ITGAX: variants seen among roughly 807,000 people sequenced by gnomAD.
ITGAX encodes integrin subunit alpha X.
ITGAX carries 99 observed loss-of-function variants against 140.2 expected under a neutral mutation model. The ratio of observed to expected loss-of-function variants is 0.71; its 90% CI spans 0.60 to 0.83. The LOEUF (loss-of-function observed/expected upper bound fraction) is 0.83, where lower values mean the gene tolerates loss of function less well. Among genes scored for constraint, ITGAX ranks in the 40% least tolerant of loss-of-function variants. The probability of loss-of-function intolerance (pLI) is 0.00; values close to 1 mark genes in which losing one functional copy is unlikely to be tolerated. For synonymous variants in ITGAX, 631 were observed against 600.4 expected (o/e 1.05, Z -0.75); for missense variants, 1,444 against 1,482.0 (o/e 0.97, Z 0.42).
chr16:31,372,833 G>T (rs1319115264), intron 19 of ITGAX, among the ~76,000 whole-genome samples, 163 bp downstream of exon 19: 1 of 152,096 alleles, frequency 6.6e-6, no homozygotes, highest in Non-Finnish European at 1.5e-5. Flanking sequence ...CACTTTGGGA[G>T]GCCGAGGTGG....
chr16:31,356,873 C>T (rs566306631), intron 3 of ITGAX, 145 bp downstream of exon 3: 2 of 809,220 alleles, frequency 2.5e-6, no homozygotes, highest in African/African-American at 1.7e-5. Flanking sequence ...CCCCTTAAGG[C>T]CTCCCCGCCC....
Position 31,372,580 on chromosome 16 carries a change from G to A in ITGAX, c.2293-17G>A, listed in dbSNP as rs746430229. 59 of 1,613,948 alleles carry A rather than the reference G, an allele frequency of 3.7e-5. No homozygotes were observed. The highest frequency in any genetic ancestry group is 1.6e-4 in the Middle Eastern group (1 of 6,082). On this transcript the variant is annotated splice_polypyrimidine_tract_variant and intron_variant, in intron 18 of 29. Coordinates refer to ENST00000268296, the MANE Select transcript of ITGAX (RefSeq NM_000887.5). ...GCCTGGGTCTCGGAGAAAACCCCCC[G>A]TTGCCTTCCCACGCAGCTACCCTTT...
intron 23 of ITGAX, 148 bp from the exon 24 acceptor site, chr16:31,379,419 TA>T: frequency 1.3e-6 from 1 of 748,316 alleles, no homozygotes; most frequent in Non-Finnish European, 2.2e-6. Flanking sequence ...GCCTGGCCTC[TA>T]AACTCTCTTA....
chr16:31,357,237 C>T lies in ITGAX; in HGVS notation c.319-16C>T, dbSNP rs757328876. ...GGAAGCAGGGGCAGCCCCCCAGCAG[C>T]CCGCTGTGTCCCCAGGCCTGCGGCC... On this transcript the variant is annotated splice_polypyrimidine_tract_variant and intron_variant, in intron 4 of 29. Coordinates refer to ENST00000268296, the MANE Select transcript of ITGAX (RefSeq NM_000887.5). The T allele has an allele frequency of 6.3e-7, 1 of 1,582,428 alleles. No homozygotes were observed. The highest frequency in any genetic ancestry group is 2.3e-5 in the East Asian group (1 of 43,652).
chr16:31,356,942 G>T, intron 3 of ITGAX, 89 bp from the exon 4 acceptor site: 1 of 1,165,570 alleles, frequency 8.6e-7, no homozygotes. Context: ...AGACCTCCTT[G>T]TCTCCCAGGT....
intron 23 of ITGAX, 34 bp downstream of exon 23, chr16:31,377,299 C>A: frequency 2.4e-5 from 34 of 1,416,152 alleles, no homozygotes; most frequent in African/African-American, 3.2e-5. Flanking sequence ...AAAAAGGGTT[C>A]TTCTCTCTGA....
At position 31,357,350 on chromosome 16, in the gene ITGAX, C is replaced by G. The variant is rs770533015; in HGVS notation, c.416C>G (p.Pro139Arg). The change falls in exon 5 of 30, where the codon CCG (proline) becomes CGG (arginine). Residue 139 changes from proline (P) to arginine (R), a missense_variant. Transcript: ENST00000268296. ...LGPTQLTQRL[P>R]VSRQECPRQE... ...CCCACCCAGCTCACCCAGAGGCTCC[C>G]GGTGTCCAGGCAGGGTGAGTGTCGG... 1 of 1,602,332 alleles carries G rather than the reference C, an allele frequency of 6.2e-7. No homozygotes were observed. Among genetic ancestry groups the G allele is most frequent in the African/African-American group, 1.3e-5 (1 of 74,586 alleles).
intron 14 of ITGAX, among the ~76,000 whole-genome samples, chr16:31,370,433 G>A (rs572540878): frequency 3.6e-4 from 55 of 152,220 alleles, no homozygotes; most frequent in African/African-American, 1.3e-3. Flanking sequence ...ACCCCACCGC[G>A]GCTTTTTCTT....
In ITGAX at chr16:31,380,904, C is replaced by T. The variant is rs752430098; in HGVS notation, c.3284C>T (p.Thr1095Met). 1.2e-5 allele frequency: 20 copies of T among 1,613,760 alleles called. No homozygotes were observed. Among genetic ancestry groups the T allele is most frequent in the South Asian group, 5.5e-5 (5 of 91,068 alleles). ...QEAFMRAQTT[T>M]VLEKYKVHNP... ...GGGTCACTTCCACTTCAGACGACAA[C>T]GGTGCTGGAGAAGTACAAGGTCCAC... Residue 1095 changes from threonine to methionine, a missense_variant, in exon 29 of 30, where the codon ACG becomes ATG. Thr to Met is a moderately conservative substitution (Grantham distance 81). Transcript: ENST00000268296.
At position 31,381,862 on chromosome 16, in the gene ITGAX, C is replaced by T. The variant is rs1207201049; in HGVS notation, c.3447C>T (p.Ala1149=). ...TGGAGGAGGCAAATGGACAAATTGC[C>T]CCAGAAAACGGGACACAGACCCCCA... ...EMMEEANGQI[A]PENGTQTPSP... The change falls in exon 30 of 30, where the codon GCC becomes GCT. Residue 1149 remains alanine (A), a synonymous_variant. Coordinates refer to ENST00000268296, the MANE Select transcript of ITGAX (RefSeq NM_000887.5). 3 of 878,786 alleles carry T rather than the reference C, an allele frequency of 3.4e-6. No individual in the cohort carries two copies. The highest frequency in any genetic ancestry group is 5.9e-6 in the Non-Finnish European group (3 of 507,220). The allele number at this position is 878,786 out of a possible 1,614,324, so 54.4% of individuals were successfully genotyped here.
intron 4 of ITGAX, 30 bp downstream of exon 4, chr16:31,357,131 TGAGG>T (rs745409254): frequency 5.1e-5 from 81 of 1,597,206 alleles, no homozygotes; most frequent in African/African-American, 8.1e-5. Context: ...AGGAGGCTTC[TGAGG>T]GAGGGAGGGA....
In ITGAX at chr16:31,361,069, T is replaced by C; in HGVS notation, c.868T>C (p.Leu290=). ...GIIRYAIGVG[L]AFQNRNSWKE... ...TGATCTTTTCTGGGGACAGGTTGGA[T>C]TAGCTTTTCAAAACAGAAATTCTTG... The change falls in exon 9 of 30, where the codon TTA becomes CTA. Residue 290 remains leucine, a synonymous_variant. Coordinates refer to ENST00000268296, the MANE Select transcript of ITGAX (RefSeq NM_000887.5). 6.2e-7 allele frequency: 1 copy of C among 1,612,738 alleles called. No individual in the cohort carries two copies. Among genetic ancestry groups the C allele is most frequent in the South Asian group, 1.1e-5 (1 of 90,614 alleles).
chr16:31,372,552 G>A, intron 18 of ITGAX, 43 bp downstream of exon 18: 1 of 1,613,774 alleles, frequency 6.2e-7, no homozygotes, highest in Non-Finnish European at 8.5e-7. Context: ...TGCACAGCGT[G>A]GGGCCTGGGT....
At chr16:31,362,589 T>G in intron 11 of ITGAX, 22 bp from the exon 12 acceptor site, 1 of 1,604,030 alleles carries the variant, frequency 6.2e-7, no homozygotes, top group Non-Finnish European at 8.5e-7. Context: ...GGGGCCTTTG[T>G]GCTGAGGCCT....
chr16:31,360,305 G>C lies in ITGAX; in HGVS notation c.708-5G>C. The stretch of plus-strand genomic sequence containing the variant: ...AGGCCTCTAAGACCTCTCCTTTCCT[G>C]ATAGGCACCGATTGTTCCATGCCTC... On this transcript the variant is annotated splice_polypyrimidine_tract_variant and splice_region_variant and intron_variant, in intron 7 of 29. Transcript: ENST00000268296. 1.9e-6 allele frequency: 3 copies of C among 1,606,062 alleles called. No individual in the cohort carries two copies. Among genetic ancestry groups the C allele is most frequent in the Non-Finnish European group, 2.6e-6 (3 of 1,175,912 alleles).
chr16:31,363,344 G>A lies in ITGAX; in HGVS notation c.1680G>A (p.Leu560=). ...CTGTCTACCTGTTTCACGGAGTCTT[G>A]GGACCCAGCATCAGCCCCTCCCACA... ...RGAVYLFHGV[L]GPSISPSHSQ... Residue 560 remains leucine, a synonymous_variant, in exon 14 of 30, where the codon TTG becomes TTA. Coordinates refer to ENST00000268296, the MANE Select transcript of ITGAX (RefSeq NM_000887.5). 1 of 1,614,006 alleles carries A rather than the reference G, an allele frequency of 6.2e-7. No homozygotes were observed. Among genetic ancestry groups the A allele is most frequent in the South Asian group, 1.1e-5 (1 of 91,086 alleles).
rs1411647936 is a variant in ITGAX at position 31,381,876 on chromosome 16, C to A, written c.3461C>A (p.Thr1154Lys). The A allele has an allele frequency of 5.6e-6, 5 of 887,302 alleles. No individual in the cohort carries two copies. The Admixed American group carries it at 6.8e-5, about 12-fold the overall frequency. The allele number at this position is 887,302 out of a possible 1,614,324, so 55.0% of individuals were successfully genotyped here. A position where few individuals can be genotyped will look rare whatever the true frequency, so the allele number is the denominator to read the frequency against. ...GGACAAATTGCCCCAGAAAACGGGA[C>A]ACAGACCCCCAGCCCGCCCAGTGAG... ...ANGQIAPENG[T>K]QTPSPPSEK The change falls in exon 30 of 30, where the codon ACA (threonine) becomes AAA (lysine). Residue 1154 changes from threonine to lysine, a missense_variant. Physicochemically the swap from Thr to Lys is moderately conservative, Grantham distance 78. Coordinates refer to ENST00000268296, the MANE Select transcript of ITGAX (RefSeq NM_000887.5).
At chr16:31,355,700 G>C (rs2080751837) in intron 1 of ITGAX, among the ~76,000 whole-genome samples, 193 bp from the exon 2 acceptor site, 1 of 152,134 alleles carries the variant, frequency 6.6e-6, no homozygotes, top group African/African-American at 2.4e-5. Context: ...ACTGCAACTC[G>C]ATAGTGGATG....
In ITGAX at chr16:31,371,097, C is replaced by G. The variant is rs1342524579; in HGVS notation, c.1724C>G (p.Ser575Cys). The G allele has an allele frequency of 1.9e-6, 3 of 1,613,978 alleles. No homozygotes were observed. The highest frequency in any genetic ancestry group is 2.5e-6 in the Non-Finnish European group (3 of 1,180,044). Residue 575 changes from serine (S) to cysteine (C), a missense_variant, in exon 15 of 30, where the codon TCC (serine) becomes TGC (cysteine). Ser to Cys is a moderately radical substitution (Grantham distance 112). Coordinates refer to ENST00000268296, the MANE Select transcript of ITGAX (RefSeq NM_000887.5). ...SPSHSQRIAG[S>C]QLSSRLQYFG... ...TCCTCTGGCCAGCGGATCGCGGGCT[C>G]CCAGCTCTCCTCCAGGCTGCAGTAT...
Sources: allele counts gnomAD v4.1 joint callset (sites outside exome capture counted in the v4.1 genomes callset), GRCh38; gene constraint gnomAD v4.1.1; transcripts MANE v1.5; gene names NCBI Gene and HGNC (gene_info 2026-07-23, HGNC 2026-07-21).